The following PCDH15 variants were observed in gnomAD, a reference collection of about 807,000 sequenced individuals.
PCDH15 encodes protocadherin-15.
A neutral mutation model predicts 178.5 loss-of-function variants in PCDH15; 129 were observed. That is an observed-to-expected ratio of 0.72 (90% CI 0.63 to 0.84). The LOEUF is 0.84. PCDH15 is among the 40% of genes least tolerant of loss of function. The pLI is 0.00. For missense variants in PCDH15, 2,230 were observed against 2,099.9 expected, an observed-to-expected ratio of 1.06 and a Z score of -1.21; for synonymous variants, 800 against 732.0, an observed-to-expected ratio of 1.09 and a Z score of -1.50.
chr10:54,268,032 T>A (rs2057804632), intron 8 of PCDH15, among the ~76,000 whole-genome samples: 1 of 151,860 alleles, frequency 6.6e-6, no homozygotes, highest in Non-Finnish European at 1.5e-5. Context: ...CAACCTATAC[T>A]ACAAGGCTAC....
intron 2 of PCDH15, among the ~76,000 whole-genome samples, chr10:55,534,212 C>T (rs566006133): frequency 1.3e-5 from 2 of 152,036 alleles, no homozygotes; most frequent in Admixed American, 6.6e-5. Flanking sequence ...GCAACAAAAA[C>T]GAAAATTGAT....
intron 2 of PCDH15, among the ~76,000 whole-genome samples, chr10:54,531,379 T>A (rs193302324): frequency 3.9e-4 from 60 of 152,282 alleles, no homozygotes; most frequent in Non-Finnish European, 7.5e-4. Flanking sequence ...AAGCCATATA[T>A]TTAAAAATAT....
chr10:55,326,442 G>A (rs1029783459), intron 2 of PCDH15, among the ~76,000 whole-genome samples: 13 of 152,048 alleles, frequency 8.5e-5, no homozygotes, highest in Non-Finnish European at 2.9e-5. Flanking sequence ...GATCATGGAT[G>A]GAGCTGGAGG....
intron 3 of PCDH15, among the ~76,000 whole-genome samples, chr10:54,854,776 G>A (rs1021516627): frequency 3.3e-5 from 5 of 152,072 alleles, no homozygotes; most frequent in South Asian, 4.1e-4. Context: ...TAGTGGCCAC[G>A]GGCAGGCCAG....
intron 1 of PCDH15, among the ~76,000 whole-genome samples, chr10:55,266,756 CCA>C (rs1178401090): frequency 1.3e-5 from 2 of 152,136 alleles, no homozygotes; most frequent in African/African-American, 4.8e-5. Context: ...ACCAGCAGAA[CCA>C]CACAGAGTCT....
chr10:54,396,065 G>C (rs112120613), intron 3 of PCDH15, among the ~76,000 whole-genome samples: 1 of 152,070 alleles, frequency 6.6e-6, no homozygotes, highest in Non-Finnish European at 1.5e-5. Flanking sequence ...CTAAAAGGAC[G>C]ATATACATTT....
At chr10:54,599,774 A>T (rs544871099) in intron 2 of PCDH15, 15 of 522,366 alleles carry the variant, frequency 2.9e-5, no homozygotes, top group African/African-American at 2.6e-4. Flanking sequence ...GATAAGTTAG[A>T]CCAAGCTGAA....
At chr10:54,595,669 T>A (rs556340442) in intron 2 of PCDH15, among the ~76,000 whole-genome samples, 1 of 152,232 alleles carries the variant, frequency 6.6e-6, no homozygotes, top group African/African-American at 2.4e-5. Context: ...TTTGGGAGAA[T>A]GTTGAAACCA....
At chr10:55,257,456 A>G (rs1185125946) in intron 1 of PCDH15, among the ~76,000 whole-genome samples, 5 of 152,138 alleles carry the variant, frequency 3.3e-5, no homozygotes, top group Non-Finnish European at 7.3e-5. Flanking sequence ...ACCCATGGCA[A>G]AGAAGTTAAA....
At chr10:54,127,378 G>A (rs1255513725) in intron 15 of PCDH15, among the ~76,000 whole-genome samples, 1 of 152,258 alleles carries the variant, frequency 6.6e-6, no homozygotes, top group African/African-American at 2.4e-5. Context: ...ACACTAGTTC[G>A]TAAGTGATTG....
At chr10:53,982,943 C>T (rs1242806440) in intron 21 of PCDH15, among the ~76,000 whole-genome samples, 1 of 152,074 alleles carries the variant, frequency 6.6e-6, no homozygotes, top group Non-Finnish European at 1.5e-5. Flanking sequence ...ATTACTTACT[C>T]AGGCTCACAT....
intron 1 of PCDH15, among the ~76,000 whole-genome samples, chr10:54,757,432 G>A (rs1370620319): frequency 1.1e-5 from 1 of 88,312 alleles, no homozygotes; most frequent in Non-Finnish European, 2.4e-5. Flanking sequence ...ACAGGCGCGC[G>A]CCACCATGCC....
intron 3 of PCDH15, among the ~76,000 whole-genome samples, chr10:54,523,953 C>A (rs1013172882): frequency 1.3e-5 from 2 of 152,056 alleles, no homozygotes; most frequent in Admixed American, 1.3e-4. Flanking sequence ...CAAGAGAGCC[C>A]GTGTAAGGAA....
chr10:54,643,981 A>G (rs1290327108), intron 2 of PCDH15, among the ~76,000 whole-genome samples: 2 of 46,042 alleles, frequency 4.3e-5, no homozygotes, highest in African/African-American at 1.9e-4. Flanking sequence ...CCCCCACCCC[A>G]CAACAGTCCC....
At chr10:53,846,050 A>AC (rs1220476871) in intron 28 of PCDH15, among the ~76,000 whole-genome samples, 115 of 150,544 alleles carry the variant, frequency 7.6e-4, no homozygotes, top group African/African-American at 2.5e-3. Flanking sequence ...ACACACACAC[A>AC]AACAAAAAAA....
intron 2 of PCDH15, among the ~76,000 whole-genome samples, chr10:54,995,531 T>C (rs779433551): frequency 6.6e-6 from 1 of 151,990 alleles, no homozygotes; most frequent in African/African-American, 2.4e-5. Context: ...TAACAACTTC[T>C]AATATTCTCG....
intron 2 of PCDH15, among the ~76,000 whole-genome samples, chr10:55,362,348 T>C (rs1243043238): frequency 1.3e-5 from 2 of 152,154 alleles, no homozygotes; most frequent in Non-Finnish European, 2.9e-5. Context: ...CAGGCTAGAT[T>C]CTTGGAATAC....
intron 2 of PCDH15, among the ~76,000 whole-genome samples, chr10:55,438,444 A>G (rs1479918706): frequency 6.6e-6 from 1 of 152,196 alleles, no homozygotes; most frequent in Non-Finnish European, 1.5e-5. Flanking sequence ...TAGCTTTATT[A>G]AATAAGAATC....
chr10:54,639,220 C>T (rs949306736), intron 2 of PCDH15, among the ~76,000 whole-genome samples: 25 of 152,024 alleles, frequency 1.6e-4, no homozygotes, highest in Non-Finnish European at 2.5e-4. Flanking sequence ...ACATTGTACA[C>T]ATGTTGCCAC....
Sources: gnomAD v4.1 joint callset for allele counts (sites outside exome capture counted in the v4.1 genomes callset) on GRCh38, gnomAD v4.1.1 for gene constraint, MANE v1.5 for transcripts, NCBI Gene and HGNC (gene_info 2026-07-23, HGNC 2026-07-21) for gene names.